Variants in DLGAP1 observed in about 807,000 individuals in gnomAD.
DLGAP1 encodes the protein disks large-associated protein 1.
In DLGAP1, 11 loss-of-function variants were observed where a neutral mutation model predicts 90.8. The ratio of observed to expected loss-of-function variants is 0.12; its 90% CI spans 0.08 to 0.20. The LOEUF is 0.20. Ranked by LOEUF, DLGAP1 falls within the 10% of genes least tolerant of loss-of-function variation. The pLI, the probability that DLGAP1 is intolerant of heterozygous loss-of-function variation, is 1.00. For missense variants in DLGAP1, 1,050 were observed against 1,333.8 expected, an observed-to-expected ratio of 0.79 and a Z score of 3.31; for synonymous variants, 558 against 540.7, an observed-to-expected ratio of 1.03 and a Z score of -0.44.
intron 5 of DLGAP1, among the ~76,000 whole-genome samples, chr18:3,766,409 T>C (rs572742426): frequency 2.0e-5 from 3 of 152,198 alleles, no homozygotes; most frequent in Middle Eastern, 3.4e-3. Context: ...CTCCCAACAA[T>C]TGACAGAACT....
At chr18:4,381,637 T>G (rs1036807056) in intron 1 of DLGAP1, among the ~76,000 whole-genome samples, 3 of 152,128 alleles carry the variant, frequency 2.0e-5, no homozygotes, top group African/African-American at 7.2e-5. Context: ...CCTACTCCTT[T>G]GACATTTAAC....
intron 7 of DLGAP1, among the ~76,000 whole-genome samples, chr18:3,620,850 G>T (rs996579608): frequency 6.6e-6 from 1 of 152,104 alleles, no homozygotes; most frequent in Non-Finnish European, 1.5e-5. Context: ...GAGCCACCAC[G>T]TCCGGCCTGG....
At position 4,131,594 on chromosome 18, in the gene DLGAP1, G is replaced by A. The variant is rs147892904; in HGVS notation, c.-159+19586C>T. Among the ~76,000 whole-genome samples, 557 of 152,212 alleles carry A rather than the reference G, an allele frequency of 3.7e-3. 3 individuals carry two copies. The highest frequency in any genetic ancestry group is 0.012 in the African/African-American group (517 of 41,544). On this transcript the variant is annotated intron_variant, in intron 2 of 12. Transcript: ENST00000315677. The stretch of plus-strand genomic sequence containing the variant: ...ATGGGCCAGATTTGATCCACGAGAT[G>A]AGGTCCGCTGACTCCTGCTTTAGAG...
At chr18:4,105,415 C>T (rs1341826861) in intron 2 of DLGAP1, among the ~76,000 whole-genome samples, 1 of 152,132 alleles carries the variant, frequency 6.6e-6, no homozygotes, top group African/African-American at 2.4e-5. Context: ...AAATAAAAGT[C>T]TTTTATTTCA....
At chr18:3,768,037 T>C (rs2064336022) in intron 5 of DLGAP1, among the ~76,000 whole-genome samples, 1 of 152,108 alleles carries the variant, frequency 6.6e-6, no homozygotes, top group Non-Finnish European at 1.5e-5. Context: ...GCAGATGACA[T>C]GATTGCCTAC....
intron 5 of DLGAP1, among the ~76,000 whole-genome samples, chr18:3,745,441 G>A (rs2063227649): frequency 6.6e-6 from 1 of 152,222 alleles, no homozygotes; most frequent in Middle Eastern, 3.4e-3. Flanking sequence ...GACTAAACTG[G>A]GCAATACTAG....
intron 1 of DLGAP1, among the ~76,000 whole-genome samples, chr18:4,343,988 AATG>A (rs1245867951): frequency 2.6e-5 from 4 of 152,240 alleles, no homozygotes; most frequent in African/African-American, 4.8e-5. Flanking sequence ...AAGGGTACAA[AATG>A]ATGATGATGA....
chr18:4,001,009 A>G (rs911593460), intron 3 of DLGAP1, among the ~76,000 whole-genome samples: 4 of 151,320 alleles, frequency 2.6e-5, no homozygotes, highest in African/African-American at 7.3e-5. Context: ...CATTACATTG[A>G]TTTTCTTTTT....
chr18:3,828,015 C>T (rs2148530670), intron 4 of DLGAP1, among the ~76,000 whole-genome samples: 1 of 152,344 alleles, frequency 6.6e-6, no homozygotes, highest in East Asian at 1.9e-4. Context: ...AGTAATACTT[C>T]TTGAATTGGG....
At chr18:4,335,395 G>C (rs748956800) in intron 1 of DLGAP1, among the ~76,000 whole-genome samples, 8 of 151,960 alleles carry the variant, frequency 5.3e-5, no homozygotes, top group Non-Finnish European at 1.2e-4. Context: ...AATTAACTCA[G>C]TGCCTTGCAC....
chr18:3,691,932 TA>T (rs1228471662), intron 7 of DLGAP1, among the ~76,000 whole-genome samples: 5 of 150,818 alleles, frequency 3.3e-5, no homozygotes, highest in Non-Finnish European at 7.4e-5. Flanking sequence ...AAAATAAAAA[TA>T]AAAAAAATAA....
chr18:4,135,223 G>T (rs1388969668), intron 2 of DLGAP1, among the ~76,000 whole-genome samples: 2 of 152,112 alleles, frequency 1.3e-5, no homozygotes, highest in Non-Finnish European at 2.9e-5. Context: ...ATGCAACTGG[G>T]TGGGTGGGTA....
chr18:3,874,555 C>T (rs78430173), intron 4 of DLGAP1: 24 of 1,482,166 alleles, frequency 1.6e-5, no homozygotes, highest in East Asian at 1.5e-4. Context: ...ACAAAAACCA[C>T]CTTTTATTCT....
At chr18:3,730,260 A>AAAC (rs945770562) in intron 6 of DLGAP1, among the ~76,000 whole-genome samples, 2 of 149,566 alleles carry the variant, frequency 1.3e-5, no homozygotes, top group Non-Finnish European at 1.5e-5. Flanking sequence ...CTCAACAAAC[A>AAAC]AACAACAACA....
chr18:4,026,354 A>G (rs1264036030), intron 2 of DLGAP1, among the ~76,000 whole-genome samples: 1 of 152,212 alleles, frequency 6.6e-6, no homozygotes. Flanking sequence ...GGAAGCAAGA[A>G]AGGGTTTTAC....
chr18:3,705,948 C>T lies in DLGAP1; in HGVS notation c.1591+23187G>A, dbSNP rs373934367. 4.1e-4 allele frequency among the ~76,000 whole-genome samples: 61 copies of T among 150,220 alleles called. 1 individual carries two copies. The East Asian group carries it at 9.7e-3, about 24-fold the overall frequency. On this transcript the variant is annotated intron_variant, in intron 7 of 12. Transcript: ENST00000315677. ...TGCTGGGATTACAGGCGTGAGCCACCGCGCTCGGCCCCCAGTATAATTATT... is the reference window on the plus strand; with the variant it reads ...TGCTGGGATTACAGGCGTGAGCCACTGCGCTCGGCCCCCAGTATAATTATT...
At chr18:4,271,102 G>A (rs1442104797) in intron 1 of DLGAP1, among the ~76,000 whole-genome samples, 2 of 152,104 alleles carry the variant, frequency 1.3e-5, no homozygotes, top group Non-Finnish European at 2.9e-5. Context: ...GAGTATTCTT[G>A]ACTTAGAAAG....
At chr18:4,106,178 T>C (rs1381106738) in intron 2 of DLGAP1, among the ~76,000 whole-genome samples, 2 of 151,988 alleles carry the variant, frequency 1.3e-5, no homozygotes, top group East Asian at 3.9e-4. Context: ...CAGGAAAAGA[T>C]TGCTCATCTC....
chr18:3,851,542 T>C (rs951395539), intron 4 of DLGAP1, among the ~76,000 whole-genome samples: 1 of 152,150 alleles, frequency 6.6e-6, no homozygotes, highest in African/African-American at 2.4e-5. Context: ...CTAGGAAAAT[T>C]CAACTCATTC....
Sources: gnomAD v4.1 joint callset for allele counts (sites outside exome capture counted in the v4.1 genomes callset) on GRCh38, gnomAD v4.1.1 for gene constraint, MANE v1.5 for transcripts, NCBI Gene and HGNC (gene_info 2026-07-23, HGNC 2026-07-21) for gene names.